ATP6V1E2: variants seen among roughly 807,000 people sequenced by gnomAD.
ATP6V1E2 encodes V-type proton ATPase subunit E 2.
For synonymous variants in ATP6V1E2, 121 were observed against 104.2 expected, an observed-to-expected ratio of 1.16 and a Z score of -0.98; for missense variants, 308 against 273.3, an observed-to-expected ratio of 1.13 and a Z score of -0.90.
At chr2:46,519,397 C>G (rs1156603070) in intron 4 of ATP6V1E2, 1 of 152,136 alleles carries the variant, frequency 6.6e-6, no homozygotes, top group Non-Finnish European at 1.5e-5. Context: ...AATAAGAAAC[C>G]AGCACAAGCA....
intron 4 of ATP6V1E2, chr2:46,528,180 T>G (rs1019218171): frequency 6.6e-6 from 1 of 152,270 alleles, no homozygotes; most frequent in African/African-American, 2.4e-5. Context: ...ACATAATATA[T>G]GTATGTGTAT....
chr2:46,520,208 G>A (rs1462877021), intron 4 of ATP6V1E2, among the ~76,000 whole-genome samples: 2 of 152,202 alleles, frequency 1.3e-5, no homozygotes, highest in African/African-American at 2.4e-5. Context: ...GGGTTAAAAG[G>A]CAGGGATTGA....
intron 4 of ATP6V1E2, among the ~76,000 whole-genome samples, chr2:46,531,815 TTGG>T (rs547078250): frequency 3.1e-4 from 47 of 152,352 alleles, no homozygotes; most frequent in Admixed American, 2.5e-3. Flanking sequence ...CATGTGCTTG[TTGG>T]TGATTTATAT....
At chr2:46,521,626 C>G (rs1158310285) in intron 4 of ATP6V1E2, among the ~76,000 whole-genome samples, 1 of 152,128 alleles carries the variant, frequency 6.6e-6, no homozygotes, top group Non-Finnish European at 1.5e-5. Context: ...GTAATGACTC[C>G]TTTGGGGGAT....
In ATP6V1E2 at chr2:46,536,671, C is replaced by G. The variant is rs1667459809; in HGVS notation, c.-277G>C. The G allele has an allele frequency of 6.6e-6, 1 of 152,222 alleles. No individual in the cohort carries two copies. Among genetic ancestry groups the G allele is most frequent in the African/African-American group, 2.4e-5 (1 of 41,434 alleles). The allele number at this position is 152,222 out of a possible 1,614,324, so 9.4% of individuals were successfully genotyped here. A position where few individuals can be genotyped will look rare whatever the true frequency, so the allele number is the denominator to read the frequency against. On this transcript the variant is annotated 5_prime_UTR_variant, in exon 3 of 5. Transcript: ENST00000522587. ...AGAATACAGGCCAAAATTAGGGATT[C>G]AGTCAGTATGGACTCCTGTATTGAC...
chr2:46,536,578 T>C (rs1667456556), intron 3 of ATP6V1E2, 33 bp downstream of exon 3: 1 of 152,242 alleles, frequency 6.6e-6, no homozygotes, highest in Admixed American at 6.5e-5. Flanking sequence ...GCAGCACCAG[T>C]GTTAAAGAAT....
chr2:46,538,359 T>C (rs1667553709), intron 2 of ATP6V1E2, among the ~76,000 whole-genome samples: 1 of 152,216 alleles, frequency 6.6e-6, no homozygotes, highest in African/African-American at 2.4e-5. Flanking sequence ...TTTTGAAACC[T>C]AGCTCTGCCA....
Position 46,520,440 on chromosome 2 carries a change from G to A in ATP6V1E2, c.-101-7628C>T, listed in dbSNP as rs371535154. On this transcript the variant is annotated intron_variant, in intron 4 of 4. Transcript: ENST00000522587. Reference sequence around the variant, plus strand: ...GGATGCTCTAAGTGGCACCCACTCCGCCTGTGCTGGGGACAGCAGAAGGGG... The same window carrying A: ...GGATGCTCTAAGTGGCACCCACTCCACCTGTGCTGGGGACAGCAGAAGGGG... Among the ~76,000 whole-genome samples the A allele has an allele frequency of 2.3e-4, 35 of 152,326 alleles. 2 individuals are homozygous for A. The highest frequency in any genetic ancestry group is 7.9e-4 in the African/African-American group (33 of 41,578).
At chr2:46,520,763 A>G (rs1158164713) in intron 4 of ATP6V1E2, among the ~76,000 whole-genome samples, 1 of 152,180 alleles carries the variant, frequency 6.6e-6, no homozygotes, top group African/African-American at 2.4e-5. Flanking sequence ...TTTGAAAATG[A>G]GACTCTCCTT....
chr2:46,532,426 T>C (rs1162446650), intron 4 of ATP6V1E2, among the ~76,000 whole-genome samples: 1 of 152,142 alleles, frequency 6.6e-6, no homozygotes, highest in Admixed American at 6.5e-5. Context: ...TATTTATTTA[T>C]AGTGATTGCT....
At chr2:46,515,749 A>G (rs1687684907) in intron 4 of ATP6V1E2, among the ~76,000 whole-genome samples, 1 of 152,246 alleles carries the variant, frequency 6.6e-6, no homozygotes, top group South Asian at 2.1e-4. Context: ...GGATTAACAA[A>G]AATAAACAAG....
At chr2:46,525,736 A>C (rs1230062643) in intron 4 of ATP6V1E2, among the ~76,000 whole-genome samples, 1 of 152,222 alleles carries the variant, frequency 6.6e-6, no homozygotes, top group East Asian at 1.9e-4. Context: ...GCCTACAGGC[A>C]GGGGAAGAAA....
intron 4 of ATP6V1E2, chr2:46,519,988 C>T (rs2103855130): frequency 6.6e-6 from 1 of 152,244 alleles, no homozygotes; most frequent in East Asian, 1.9e-4. Context: ...TGCCCACAGT[C>T]TCAGGTGACC....
intron 4 of ATP6V1E2, among the ~76,000 whole-genome samples, chr2:46,533,203 G>GTAGA (rs72186652): frequency 0.028 from 4,192 of 148,218 alleles, 66 homozygotes; most frequent in African/African-American, 0.039. Flanking sequence ...GCATGTATGT[G>GTAGA]TAGATAGATA....
At chr2:46,522,446 T>C (rs1449073398) in intron 4 of ATP6V1E2, among the ~76,000 whole-genome samples, 1 of 135,288 alleles carries the variant, frequency 7.4e-6, no homozygotes, top group Admixed American at 7.2e-5. Context: ...CCTGTGTCCA[T>C]GTGTTCTCAA....
At position 46,511,856 on chromosome 2, in the gene ATP6V1E2, T is replaced by C; in HGVS notation, c.*175A>G. ...TGAATTGGAATTTGAATTCTGAGCA[T>C]TAATTTGGGCTTTATTTCAAAGTTA... On this transcript the variant is annotated 3_prime_UTR_variant, in exon 5 of 5. Transcript: ENST00000522587. 1.7e-6 allele frequency: 1 copy of C among 574,658 alleles called. No individual in the cohort carries two copies. Among genetic ancestry groups the C allele is most frequent in the Non-Finnish European group, 2.9e-6 (1 of 345,926 alleles). 35.6% of individuals were successfully genotyped at this position (574,658 alleles called of 1,614,324 possible). A position where few individuals can be genotyped will look rare whatever the true frequency, so the allele number is the denominator to read the frequency against.
chr2:46,539,998 T>G (rs1667648576), intron 2 of ATP6V1E2, among the ~76,000 whole-genome samples: 1 of 152,224 alleles, frequency 6.6e-6, no homozygotes, highest in Non-Finnish European at 1.5e-5. Context: ...TCCAGCTCTT[T>G]GTCCCCAGCC....
At chr2:46,522,479 A>T (rs1214262035) in intron 4 of ATP6V1E2, among the ~76,000 whole-genome samples, 3 of 151,738 alleles carry the variant, frequency 2.0e-5, no homozygotes, top group African/African-American at 4.8e-5. Context: ...ACTATGAGTG[A>T]GAACATGCAG....
intron 2 of ATP6V1E2, among the ~76,000 whole-genome samples, chr2:46,537,087 C>T (rs1667481986): frequency 6.6e-6 from 1 of 152,164 alleles, no homozygotes; most frequent in Non-Finnish European, 1.5e-5. Context: ...CTGGCCTCTC[C>T]TAAAATTCTT....
Sources: gnomAD v4.1 joint callset for allele counts (sites outside exome capture counted in the v4.1 genomes callset) on GRCh38, gnomAD v4.1.1 for gene constraint, MANE v1.5 for transcripts, NCBI Gene and HGNC (gene_info 2026-07-23, HGNC 2026-07-21) for gene names.